The following POLA1 variants were observed in gnomAD, a reference collection of about 807,000 sequenced individuals.
The protein encoded by POLA1 is DNA polymerase alpha catalytic subunit.
Under a neutral mutation model 124.0 loss-of-function variants are expected in POLA1, and 15 were observed. The observed-to-expected ratio is 0.12, with a 90% CI of 0.08 to 0.19. The LOEUF (loss-of-function observed/expected upper bound fraction) is 0.19. Among genes scored for constraint, POLA1 ranks in the 10% least tolerant of loss-of-function variants. POLA1 has a pLI of 1.00. For missense variants in POLA1, 886 were observed against 1,103.4 expected (o/e 0.80, Z 2.79); for synonymous variants, 408 against 389.4 (o/e 1.05, Z -0.56).
intron 26 of POLA1, among the ~76,000 whole-genome samples, chrX:24,762,593 T>C (rs1448748570): frequency 9.2e-6 from 1 of 109,120 alleles, no homozygotes; most frequent in Non-Finnish European, 1.9e-5. Flanking sequence ...GGAAGCATTA[T>C]GTGGCCAGGG....
At chrX:24,852,168 T>C (rs1233222173) in intron 34 of POLA1, among the ~76,000 whole-genome samples, 2 of 112,014 alleles carry the variant, frequency 1.8e-5, no homozygotes, top group Non-Finnish European at 3.8e-5. Context: ...TCAGCTGCCT[T>C]TCCAAGGTAC....
chrX:24,867,053 G>T, intron 34 of POLA1, among the ~76,000 whole-genome samples: 1 of 107,544 alleles, frequency 9.3e-6, no homozygotes, highest in Admixed American at 1.0e-4. Context: ...TTTTATATTT[G>T]TTTTATATAG....
At chrX:24,870,960 A>G (rs1357985425) in intron 34 of POLA1, among the ~76,000 whole-genome samples, 1 of 111,824 alleles carries the variant, frequency 8.9e-6, no homozygotes, top group Non-Finnish European at 1.9e-5. Flanking sequence ...CAATTTAGAA[A>G]TTGTAGGCCC....
chrX:24,884,930 A>G (rs2047047165), intron 34 of POLA1, among the ~76,000 whole-genome samples: 1 of 111,974 alleles, frequency 8.9e-6, no homozygotes, highest in Non-Finnish European at 1.9e-5. Context: ...ATTTGAAAGG[A>G]CATTTAGTTA....
intron 36 of POLA1, among the ~76,000 whole-genome samples, chrX:24,945,682 A>T (rs1221004131): frequency 9.0e-6 from 1 of 111,437 alleles, no homozygotes; most frequent in East Asian, 2.8e-4. Flanking sequence ...GGTGATTCTG[A>T]TGCACACCCA....
intron 35 of POLA1, among the ~76,000 whole-genome samples, chrX:24,899,750 A>G (rs1027218860): frequency 1.8e-5 from 2 of 111,520 alleles, no homozygotes; most frequent in Admixed American, 9.5e-5. Context: ...TATGTTTCCT[A>G]AAAGTGAGGC....
At chrX:24,863,049 A>G (rs894945968) in intron 34 of POLA1, among the ~76,000 whole-genome samples, 1 of 112,306 alleles carries the variant, frequency 8.9e-6, no homozygotes, top group Non-Finnish European at 1.9e-5. Context: ...GCTGGTCTAA[A>G]AAAACAAAAA....
At position 24,699,088 on chromosome X, in the gene POLA1, A is replaced by T. The variant is rs183521131; in HGVS notation, c.44-337A>T. On this transcript the variant is annotated intron_variant, in intron 1 of 36. Transcript: ENST00000379068. ...GGATTACTTCTGGCTGGTCATTTCT[A>T]ATGGAAAGGTGATAAATTAGCTAAC... is the stretch of plus-strand genomic sequence containing the variant. Among the ~76,000 whole-genome samples, 8 of 112,320 alleles carry T rather than the reference A, an allele frequency of 7.1e-5. No homozygotes were observed. The East Asian group carries it at 2.2e-3, about 31-fold the overall frequency.
intron 34 of POLA1, among the ~76,000 whole-genome samples, chrX:24,869,697 A>G (rs2046840892): frequency 8.9e-6 from 1 of 111,970 alleles, no homozygotes; most frequent in African/African-American, 3.3e-5. Flanking sequence ...GAATGATAGC[A>G]TCTCAGAGCT....
At chrX:24,976,258 A>C (rs1206967336) in intron 36 of POLA1, among the ~76,000 whole-genome samples, 3 of 112,146 alleles carry the variant, frequency 2.7e-5, no homozygotes, top group African/African-American at 9.7e-5. Flanking sequence ...CATTTTGGGA[A>C]AGCAGTACAG....
chrX:24,986,277 G>A (rs768743590), intron 36 of POLA1, among the ~76,000 whole-genome samples: 1 of 111,872 alleles, frequency 8.9e-6, no homozygotes, highest in Non-Finnish European at 1.9e-5. Flanking sequence ...GTAGGGTGGA[G>A]CACTGCCACC....
At chrX:24,865,152 A>G (rs2046776712) in intron 34 of POLA1, among the ~76,000 whole-genome samples, 1 of 112,140 alleles carries the variant, frequency 8.9e-6, no homozygotes, top group African/African-American at 3.2e-5. Flanking sequence ...AAAGAGTGGC[A>G]ATTTGCTTCC....
intron 20 of POLA1, 94 bp from the exon 21 acceptor site, chrX:24,741,281 C>A: frequency 1.5e-6 from 1 of 670,669 alleles, no homozygotes; most frequent in Non-Finnish European, 2.2e-6. Context: ...TTTACTTACA[C>A]CCAGAATTCC....
chrX:24,961,955 T>C (rs1027429178), intron 36 of POLA1, among the ~76,000 whole-genome samples: 1 of 112,086 alleles, frequency 8.9e-6, no homozygotes, highest in African/African-American at 3.2e-5. Context: ...GTGATGTTAG[T>C]CATGACAAAC....
At chrX:24,694,038 T>C in intron 1 of POLA1, 34 bp downstream of exon 1, 1 of 1,128,982 alleles carries the variant, frequency 8.9e-7, no homozygotes, top group Non-Finnish European at 1.2e-6. Flanking sequence ...GGCTCCGGGT[T>C]GGGACAGTGG....
At chrX:24,830,522 G>A (rs912990995) in intron 32 of POLA1, among the ~76,000 whole-genome samples, 3 of 111,955 alleles carry the variant, frequency 2.7e-5, no homozygotes, top group African/African-American at 9.7e-5. Context: ...TTGCTATTGG[G>A]CTTAAATAAA....
At chrX:24,790,085 G>C (rs771257879) in intron 26 of POLA1, among the ~76,000 whole-genome samples, 2 of 112,001 alleles carry the variant, frequency 1.8e-5, no homozygotes, top group Non-Finnish European at 3.8e-5. Context: ...TTATTTCTCA[G>C]AATCTAAAGG....
intron 26 of POLA1, among the ~76,000 whole-genome samples, chrX:24,762,955 C>T (rs1477094656): frequency 9.0e-6 from 1 of 111,075 alleles, no homozygotes; most frequent in East Asian, 2.8e-4. Flanking sequence ...CCAGGCTGGT[C>T]TAGAACTCCT....
intron 26 of POLA1, chrX:24,788,471 G>T: frequency 8.4e-7 from 1 of 1,196,010 alleles, no homozygotes. Flanking sequence ...CAGCATATCT[G>T]TTCCGACTTT....
Sources: gnomAD v4.1 joint callset for allele counts (sites outside exome capture counted in the v4.1 genomes callset) on GRCh38, gnomAD v4.1.1 for gene constraint, MANE v1.5 for transcripts, NCBI Gene and HGNC (gene_info 2026-07-23, HGNC 2026-07-21) for gene names.